Variants in HAO1 observed in about 807,000 individuals in gnomAD.
The protein encoded by HAO1 is 2-Hydroxyacid oxidase 1.
In HAO1, 34 loss-of-function variants were observed where a neutral mutation model predicts 39.7. The observed-to-expected ratio is 0.86, with a 90% CI of 0.65 to 1.14. HAO1 has a LOEUF of 1.14. Among genes scored for constraint, HAO1 ranks in the 50% most tolerant of loss-of-function variants. The pLI is 0.00. For synonymous variants in HAO1, 172 were observed against 173.2 expected (o/e 0.99, Z 0.05); for missense variants, 479 against 464.5 (o/e 1.03, Z -0.29).
In HAO1 at chr20:7,898,525, A is replaced by G. The variant is rs187246244; in HGVS notation, c.722-3301T>C. ...TGTACTCAGTCCATCATTTTAAACCAGAAGCCCAGTACACTTTCATCTCAA... is the reference window on the plus strand; with the variant it reads ...TGTACTCAGTCCATCATTTTAAACCGGAAGCCCAGTACACTTTCATCTCAA... On this transcript the variant is annotated intron_variant, in intron 4 of 7. Coordinates refer to ENST00000378789, the MANE Select transcript of HAO1 (RefSeq NM_017545.3). 2.9e-3 allele frequency among the ~76,000 whole-genome samples: 435 copies of G among 152,296 alleles called. 8 individuals are homozygous for G. The highest frequency in any genetic ancestry group is 1.3e-3 in the Non-Finnish European group (88 of 68,028).
At chr20:7,908,705 A>G (rs1316537162) in intron 3 of HAO1, among the ~76,000 whole-genome samples, 1 of 152,182 alleles carries the variant, frequency 6.6e-6, no homozygotes, top group Admixed American at 6.5e-5. Context: ...AGTCATATGG[A>G]TGCCCATCTA....
chr20:7,922,414 C>CA (rs2050337736), intron 2 of HAO1, among the ~76,000 whole-genome samples: 1 of 152,082 alleles, frequency 6.6e-6, no homozygotes, highest in Non-Finnish European at 1.5e-5. Flanking sequence ...GATTCTTCTA[C>CA]AATGATTTTG....
chr20:7,933,008 C>T (rs578225479), intron 2 of HAO1, among the ~76,000 whole-genome samples: 1 of 152,054 alleles, frequency 6.6e-6, no homozygotes, highest in African/African-American at 2.4e-5. Flanking sequence ...ACTGCCTGAT[C>T]TTAAAATAAA....
In HAO1 at chr20:7,940,368, G is replaced by T. The variant is rs1213232595; in HGVS notation, c.55C>A (p.Leu19Ile). ...TAATAGTCATATATAGACTTTGGAAGTACTGATTTAGCATGTTGTTCATAA... is the reference window on the plus strand; with the variant it reads ...TAATAGTCATATATAGACTTTGGAATTACTGATTTAGCATGTTGTTCATAA... ...NDYEQHAKSV[L>I]PKSIYDYYRS... The change falls in exon 1 of 8, where the codon CTT becomes ATT. Residue 19 changes from leucine to isoleucine, a missense_variant. Coordinates refer to ENST00000378789, the MANE Select transcript of HAO1 (RefSeq NM_017545.3). 1.2e-6 allele frequency: 2 copies of T among 1,612,084 alleles called. No homozygotes were observed. Among genetic ancestry groups the T allele is most frequent in the Middle Eastern group, 1.7e-4 (1 of 6,054 alleles).
At chr20:7,937,344 CA>C (rs1156667177) in intron 1 of HAO1, among the ~76,000 whole-genome samples, 1 of 151,872 alleles carries the variant, frequency 6.6e-6, no homozygotes, top group Non-Finnish European at 1.5e-5. Context: ...CAATTTTCTC[CA>C]CATTAATTTT....
At chr20:7,911,690 A>G (rs1474054840) in intron 3 of HAO1, among the ~76,000 whole-genome samples, 1 of 151,988 alleles carries the variant, frequency 6.6e-6, no homozygotes, top group East Asian at 1.9e-4. Flanking sequence ...AAGAGACAGG[A>G]CCCTCCCCCA....
At chr20:7,926,019 T>G (rs2050357588) in intron 2 of HAO1, among the ~76,000 whole-genome samples, 1 of 152,186 alleles carries the variant, frequency 6.6e-6, no homozygotes, top group Non-Finnish European at 1.5e-5. Context: ...CCATAATCTT[T>G]TAATACATAT....
chr20:7,895,349 AG>A, intron 4 of HAO1, 125 bp from the exon 5 acceptor site: 1 of 653,478 alleles, frequency 1.5e-6, no homozygotes, highest in Non-Finnish European at 2.8e-6. Flanking sequence ...CAATAATCTT[AG>A]CATAAAAGTA....
intron 3 of HAO1, among the ~76,000 whole-genome samples, chr20:7,907,206 T>G (rs966426695): frequency 1.3e-5 from 2 of 152,190 alleles, no homozygotes; most frequent in African/African-American, 2.4e-5. Context: ...CTCAAACTTC[T>G]CTAATCTTCC....
chr20:7,894,683 G>A, intron 5 of HAO1, among the ~76,000 whole-genome samples: 1 of 152,056 alleles, frequency 6.6e-6, no homozygotes, highest in Admixed American at 6.6e-5. Flanking sequence ...CACCCCACAG[G>A]AAATTCTGAT....
intron 4 of HAO1, among the ~76,000 whole-genome samples, chr20:7,897,272 G>A (rs1433654875): frequency 6.6e-6 from 1 of 152,060 alleles, no homozygotes; most frequent in African/African-American, 2.4e-5. Context: ...AATTTCATAA[G>A]GAACGTGATA....
chr20:7,927,993 A>G (rs2050367293), intron 2 of HAO1, among the ~76,000 whole-genome samples: 1 of 152,194 alleles, frequency 6.6e-6, no homozygotes, highest in Non-Finnish European at 1.5e-5. Flanking sequence ...TAGATGAATA[A>G]ATAATAAAGT....
At chr20:7,934,458 C>T in intron 2 of HAO1, 26 bp downstream of exon 2, 1 of 1,593,740 alleles carries the variant, frequency 6.3e-7, no homozygotes, top group Non-Finnish European at 8.6e-7. Context: ...CTCCTTCTGT[C>T]CCTGTGGTGA....
chr20:7,887,671 A>G (rs1443297100), intron 5 of HAO1, among the ~76,000 whole-genome samples: 1 of 152,222 alleles, frequency 6.6e-6, no homozygotes, highest in Non-Finnish European at 1.5e-5. Context: ...ATTTGAAACC[A>G]GAACCAAAAA....
intron 2 of HAO1, among the ~76,000 whole-genome samples, chr20:7,918,869 G>A (rs2050318705): frequency 6.6e-6 from 1 of 152,172 alleles, no homozygotes; most frequent in South Asian, 2.1e-4. Flanking sequence ...AAGCACAAAT[G>A]TTTTAAGCCC....
chr20:7,933,182 AATAT>A (rs2050393460), intron 2 of HAO1, among the ~76,000 whole-genome samples: 3 of 151,932 alleles, frequency 2.0e-5, no homozygotes, highest in African/African-American at 4.8e-5. Context: ...CCCTTTGAGC[AATAT>A]ATTATTTTCT....
At chr20:7,914,957 A>G (rs761565775) in intron 2 of HAO1, among the ~76,000 whole-genome samples, 3 of 152,122 alleles carry the variant, frequency 2.0e-5, no homozygotes, top group Middle Eastern at 3.4e-3. Context: ...CATCTCTACT[A>G]AAAAAACACA....
At chr20:7,915,018 G>A (rs1271612178) in intron 2 of HAO1, among the ~76,000 whole-genome samples, 2 of 152,270 alleles carry the variant, frequency 1.3e-5, no homozygotes, top group South Asian at 2.1e-4. Flanking sequence ...TACTCAGGAG[G>A]CTGAGGCAGG....
intron 2 of HAO1, among the ~76,000 whole-genome samples, chr20:7,929,269 T>C (rs189745411): frequency 6.6e-6 from 1 of 152,296 alleles, no homozygotes; most frequent in African/African-American, 2.4e-5. Context: ...AAGTGAGTTT[T>C]TGTGTGTGAA....
Sources: gnomAD v4.1 joint callset for allele counts (sites outside exome capture counted in the v4.1 genomes callset) on GRCh38, gnomAD v4.1.1 for gene constraint, MANE v1.5 for transcripts, NCBI Gene and HGNC (gene_info 2026-07-23, HGNC 2026-07-21) for gene names.